Variants in RANBP10 observed in about 807,000 individuals in gnomAD.
The protein encoded by RANBP10 is ran-binding protein 10.
Under a neutral mutation model 72.8 loss-of-function variants are expected in RANBP10, and 24 were observed. The observed-to-expected ratio is 0.33, with a 90% CI of 0.24 to 0.46. The LOEUF is 0.46. Ranked by LOEUF, RANBP10 falls within the 20% of genes least tolerant of loss-of-function variation. The pLI, the probability that RANBP10 is intolerant of heterozygous loss-of-function variation, is 1.00. For missense variants in RANBP10, 679 were observed against 817.5 expected, an observed-to-expected ratio of 0.83 and a Z score of 2.07; for synonymous variants, 310 against 322.3, an observed-to-expected ratio of 0.96 and a Z score of 0.41.
chr16:67,750,295 T>A (rs901748392), intron 3 of RANBP10, among the ~76,000 whole-genome samples: 2 of 152,222 alleles, frequency 1.3e-5, no homozygotes, highest in African/African-American at 4.8e-5. Context: ...CTCTTAGAAC[T>A]ATGCCCAAGA....
At chr16:67,765,767 C>T (rs1404477044) in intron 3 of RANBP10, among the ~76,000 whole-genome samples, 2 of 152,090 alleles carry the variant, frequency 1.3e-5, no homozygotes, top group South Asian at 2.1e-4. Context: ...ACCCAGGAGG[C>T]GGAGCTTGCA....
chr16:67,729,177 A>C lies in RANBP10; in HGVS notation c.1352+103T>G, dbSNP rs2053669876. 2 of 1,535,852 alleles carry C rather than the reference A, an allele frequency of 1.3e-6. No individual in the cohort carries two copies. Among genetic ancestry groups the C allele is most frequent in the East Asian group, 4.5e-5 (2 of 44,232 alleles). ...TTAGGACTCCAGGCACAGACCTGAG[A>C]TGGAGGCTGGGGGTGAAGGGCAGGG... On this transcript the variant is annotated intron_variant, in intron 10 of 13. Coordinates refer to ENST00000317506, the MANE Select transcript of RANBP10 (RefSeq NM_020850.3). The surrounding 1 kb of genome is among the most constrained non-coding windows in gnomAD (Gnocchi z 7.1).
In RANBP10 at chr16:67,724,376, C is replaced by T. The variant is rs2053568545; in HGVS notation, c.*2052G>A. The T allele has an allele frequency of 6.6e-6, 1 of 152,094 alleles. No individual in the cohort carries two copies. Among genetic ancestry groups the T allele is most frequent in the South Asian group, 2.1e-4 (1 of 4,834 alleles). 9.4% of individuals were successfully genotyped at this position (152,094 alleles called of 1,614,324 possible). A position where few individuals can be genotyped will look rare whatever the true frequency, so the allele number is the denominator to read the frequency against. ...CCTGGGCCTGTTTCCTTATTTGTAG[C>T]AAGAGAGGAATGGGGGAGATGTTCA... On this transcript the variant is annotated 3_prime_UTR_variant, in exon 14 of 14. Transcript: ENST00000317506.
intron 5 of RANBP10, 62 bp from the exon 6 acceptor site, chr16:67,735,104 T>A: frequency 7.0e-7 from 1 of 1,428,596 alleles, no homozygotes; most frequent in Non-Finnish European, 9.5e-7. Flanking sequence ...AGGCCTCACC[T>A]CACCTCCATG....
chr16:67,805,639 G>T (rs1441826689), intron 1 of RANBP10, 100 bp from the exon 2 acceptor site: 1 of 937,466 alleles, frequency 1.1e-6, no homozygotes, highest in Non-Finnish European at 1.7e-6. Flanking sequence ...ACTCCTCTGT[G>T]GCCAGAGGAC....
intron 3 of RANBP10, among the ~76,000 whole-genome samples, chr16:67,753,483 C>A (rs1259099504): frequency 6.6e-6 from 1 of 151,920 alleles, no homozygotes; most frequent in East Asian, 1.9e-4. Context: ...AATAAAGATT[C>A]TATTTATAAA....
chr16:67,806,183 C>A (rs772668272), intron 1 of RANBP10, 119 bp downstream of exon 1: 3 of 1,017,426 alleles, frequency 2.9e-6, no homozygotes, highest in Non-Finnish European at 4.3e-6. Context: ...CCTGAAAGGG[C>A]CAAGCCCTAA....
intron 3 of RANBP10, among the ~76,000 whole-genome samples, chr16:67,766,035 C>G (rs978009817): frequency 1.3e-5 from 2 of 151,930 alleles, no homozygotes. Context: ...TAAACAAACA[C>G]CAAAGTCTCA....
chr16:67,792,525 G>A (rs1359370601), intron 2 of RANBP10, among the ~76,000 whole-genome samples: 1 of 150,926 alleles, frequency 6.6e-6, no homozygotes, highest in Non-Finnish European at 1.5e-5. Context: ...TCCCGCCACT[G>A]CAGTCCAGCC....
At chr16:67,732,994 C>A (rs1480541209) in intron 6 of RANBP10, among the ~76,000 whole-genome samples, 3 of 141,408 alleles carry the variant, frequency 2.1e-5, no homozygotes, top group Non-Finnish European at 4.5e-5. Context: ...GCGGAGCTTG[C>A]AGTGAGCCGA....
Position 67,729,382 on chromosome 16 carries a change from G to A in RANBP10, c.1250C>T (p.Ser417Phe). 6.2e-7 allele frequency: 1 copy of A among 1,613,296 alleles called. No homozygotes were observed. Residue 417 changes from serine (S) to phenylalanine (F), a missense_variant, in exon 10 of 14, where the codon TCC becomes TTC. Transcript: ENST00000317506. This position sits in a 1 kb window ranked among gnomAD's most constrained non-coding sequence, Gnocchi z 7.1. Reference sequence around the variant, plus strand: ...GGAGGATGGGGAAGAGGACGAGGAGGAGGAGGAGGACGAGGATGAGGAGCT... The same window carrying A: ...GGAGGATGGGGAAGAGGACGAGGAGAAGGAGGAGGACGAGGATGAGGAGCT... Reference protein sequence around the residue: ...APSSSSSSSSSSSSSSPSSVN... With the variant: ...APSSSSSSSSFSSSSSPSSVN...
intron 2 of RANBP10, among the ~76,000 whole-genome samples, chr16:67,799,724 T>G (rs1465164371): frequency 6.6e-6 from 1 of 152,166 alleles, no homozygotes; most frequent in Admixed American, 6.5e-5. Context: ...CCTCAAACTC[T>G]GAGGTACAGT....
intron 3 of RANBP10, among the ~76,000 whole-genome samples, chr16:67,755,135 C>T (rs945678575): frequency 1.3e-5 from 2 of 152,166 alleles, no homozygotes; most frequent in Non-Finnish European, 2.9e-5. Flanking sequence ...AGGGTGCTGC[C>T]CTTCCCATTA....
At chr16:67,769,405 C>T (rs573905283) in intron 3 of RANBP10, among the ~76,000 whole-genome samples, 40 of 139,960 alleles carry the variant, frequency 2.9e-4, no homozygotes, top group African/African-American at 1.0e-3. Context: ...GTTTGTGCCA[C>T]TGCACTCCAC....
chr16:67,772,467 A>C (rs1420659303), intron 2 of RANBP10, among the ~76,000 whole-genome samples: 1 of 152,192 alleles, frequency 6.6e-6, no homozygotes, highest in African/African-American at 2.4e-5. Flanking sequence ...TTACAGAGCA[A>C]TGCACGATTG....
chr16:67,731,966 A>T (rs1364771578), intron 6 of RANBP10, among the ~76,000 whole-genome samples: 1 of 152,238 alleles, frequency 6.6e-6, no homozygotes, highest in Non-Finnish European at 1.5e-5. Context: ...TCTCACTGAT[A>T]GCTTCCCGAA....
chr16:67,805,864 G>C (rs2055394474), intron 1 of RANBP10, among the ~76,000 whole-genome samples: 1 of 152,194 alleles, frequency 6.6e-6, no homozygotes, highest in Non-Finnish European at 1.5e-5. Flanking sequence ...AGAAGGATGA[G>C]GCCGACCTGG....
At position 67,729,256 on chromosome 16, in the gene RANBP10, G is replaced by C. The variant is rs1357858578; in HGVS notation, c.1352+24C>G. On this transcript the variant is annotated intron_variant, in intron 10 of 13. Transcript: ENST00000317506. The surrounding 1 kb of genome is among the most constrained non-coding windows in gnomAD (Gnocchi z 7.1). ...AGCTGGCATAAGGCAGAAGGCAGAG[G>C]AGGAAGCAGAGCAAGGCAGGCACCT... 6.2e-7 allele frequency: 1 copy of C among 1,609,808 alleles called. No individual in the cohort carries two copies. Among genetic ancestry groups the C allele is most frequent in the South Asian group, 1.1e-5 (1 of 90,660 alleles).
chr16:67,805,298 A>C lies in RANBP10; in HGVS notation c.347+130T>G, dbSNP rs570391657. On this transcript the variant is annotated intron_variant, in intron 2 of 13. Transcript: ENST00000317506. ...GACCAGACCATGCCCACAGTCAGGAAATAATGGCAGCCCAGACCCATGCGG... is the reference window on the plus strand; with the variant it reads ...GACCAGACCATGCCCACAGTCAGGACATAATGGCAGCCCAGACCCATGCGG... 15 of 699,104 alleles carry C rather than the reference A, an allele frequency of 2.1e-5. 1 individual carries two copies. In the South Asian group the frequency reaches 3.2e-4, roughly 15 times the overall value. The allele number at this position is 699,104 out of a possible 1,614,324, so 43.3% of individuals were successfully genotyped here. A position where few individuals can be genotyped will look rare whatever the true frequency, so the allele number is the denominator to read the frequency against.
Sources: allele counts gnomAD v4.1 joint callset (sites outside exome capture counted in the v4.1 genomes callset), GRCh38; gene constraint gnomAD v4.1.1; non-coding constraint Gnocchi (gnomAD v3.1); transcripts MANE v1.5; gene names NCBI Gene and HGNC (gene_info 2026-07-23, HGNC 2026-07-21).